Variants in SASH3 observed in about 807,000 individuals in gnomAD.
SASH3 encodes SAM and SH3 domain-containing protein 3.
In SASH3, 7 loss-of-function variants were observed where a neutral mutation model predicts 26.1. The observed-to-expected ratio is 0.27, with a 90% CI of 0.15 to 0.50. The LOEUF (loss-of-function observed/expected upper bound fraction) is 0.50, where lower values mean the gene tolerates loss of function less well. Among genes scored for constraint, SASH3 ranks in the 20% least tolerant of loss-of-function variants. The probability of loss-of-function intolerance (pLI) is 0.98; values close to 1 mark genes in which losing one functional copy is unlikely to be tolerated. For synonymous variants in SASH3, 138 were observed against 136.8 expected (o/e 1.01, Z -0.06); for missense variants, 231 against 318.3 (o/e 0.73, Z 2.09).
Position 129,792,459 on chromosome X carries a change from G to A in SASH3, c.574G>A (p.Asp192Asn). 1 of 1,211,884 alleles carries A rather than the reference G, an allele frequency of 8.3e-7. No homozygotes were observed. The highest frequency in any genetic ancestry group is 1.1e-6 in the Non-Finnish European group (1 of 895,545). The stretch of plus-strand genomic sequence containing the variant: ...CTTCACTCCCAGCCCCTATGACCAC[G>A]ACTCGCTGAAACTGCAGGTAAGATC... ...TDFTPSPYDH[D>N]SLKLQKGDVI... The change falls in exon 5 of 8, where the codon GAC becomes AAC. Residue 192 changes from aspartate (D) to asparagine (N), a missense_variant. Asp to Asn is a conservative substitution (Grantham distance 23, BLOSUM62 1). Coordinates refer to ENST00000356892, the MANE Select transcript of SASH3 (RefSeq NM_018990.4).
rs868200701 is a variant in SASH3 at position 129,793,081 on chromosome X, G to T, written c.894G>T (p.Met298Ile). 2.5e-6 allele frequency: 3 copies of T among 1,211,548 alleles called. No individual in the cohort carries two copies. In the African/African-American group the frequency reaches 5.2e-5, roughly 21 times the overall value. Residue 298 changes from methionine (M) to isoleucine (I), a missense_variant, in exon 7 of 8, where the codon ATG (methionine) becomes ATT (isoleucine). Physicochemically the swap from Met to Ile is conservative, Grantham distance 10. Transcript: ENST00000356892. The part of the protein sequence containing the change: ...RETHLNELNI[M>I]DPQHRAKLLT... ...CACACCTCAATGAGCTGAACATCAT[G>T]GATCCACAGCACCGGGCCAAGCTGC...
chrX:129,793,906 G>A lies in SASH3; in HGVS notation c.*74G>A, dbSNP rs1337137782. 2.1e-5 allele frequency: 21 copies of A among 999,888 alleles called. No individual in the cohort carries two copies. Among genetic ancestry groups the A allele is most frequent in the Non-Finnish European group, 2.9e-5 (21 of 733,646 alleles). The allele number at this position is 999,888 out of a possible 1,213,427, so 82.4% of individuals were successfully genotyped here. A position where few individuals can be genotyped will look rare whatever the true frequency, so the allele number is the denominator to read the frequency against. Reference sequence around the variant, plus strand: ...AGGAGTGGGCCCAGCCTCCCGTGGTGGCCCAGGTCCTGAGGACTGGCACTG... The same window carrying A: ...AGGAGTGGGCCCAGCCTCCCGTGGTAGCCCAGGTCCTGAGGACTGGCACTG... On this transcript the variant is annotated 3_prime_UTR_variant, in exon 8 of 8. Coordinates refer to ENST00000356892, the MANE Select transcript of SASH3 (RefSeq NM_018990.4).
Position 129,794,692 on chromosome X carries a change from C to A in SASH3, c.*860C>A, listed in dbSNP as rs751633728. The A allele has an allele frequency of 3.6e-5, 4 of 111,274 alleles. No homozygotes were observed. The highest frequency in any genetic ancestry group is 7.5e-5 in the Non-Finnish European group (4 of 53,068). 9.2% of individuals were successfully genotyped at this position (111,274 alleles called of 1,213,427 possible). ...CTTAACACAATGCCCATACCTCATA[C>A]GATATGCGCCCTCCCGTTCCATCCC... On this transcript the variant is annotated 3_prime_UTR_variant, in exon 8 of 8. Transcript: ENST00000356892.
chrX:129,792,786 A>T lies in SASH3; in HGVS notation c.751A>T (p.Arg251Trp). The change falls in exon 6 of 8, where the codon AGG becomes TGG. Residue 251 changes from arginine (R) to tryptophan (W), a missense_variant. By Grantham distance (101) the Arg-to-Trp change is moderately radical. Transcript: ENST00000356892. ...CAGCCGCCGACAGAGCAAGGGCAAG[A>T]GGCCCAAGCCTAAGACCCTGCATGA... ...RPSRRQSKGK[R>W]PKPKTLHELL... 8.3e-7 allele frequency: 1 copy of T among 1,204,069 alleles called. No homozygotes were observed. The highest frequency in any genetic ancestry group is 1.1e-6 in the Non-Finnish European group (1 of 893,422).
rs760915326 is a variant in SASH3, at chrX:129,779,954, C to T, written c.-144C>T. 1.9e-6 allele frequency: 1 copy of T among 517,362 alleles called. No homozygotes were observed. Among genetic ancestry groups the T allele is most frequent in the Admixed American group, 3.6e-5 (1 of 28,133 alleles). The allele number at this position is 517,362 out of a possible 1,213,427, so 42.6% of individuals were successfully genotyped here. Reference sequence around the variant, plus strand: ...GCCGGGTGTCCATGGCCCGCACCCCCAAGCTGCCACTGCAGCAGTCAGAGT... The same window carrying T: ...GCCGGGTGTCCATGGCCCGCACCCCTAAGCTGCCACTGCAGCAGTCAGAGT... On this transcript the variant is annotated 5_prime_UTR_variant, in exon 1 of 8. Coordinates refer to ENST00000356892, the MANE Select transcript of SASH3 (RefSeq NM_018990.4).
Position 129,794,519 on chromosome X carries a change from C to G in SASH3, c.*687C>G, listed in dbSNP as rs1382148712. 1.8e-5 allele frequency: 2 copies of G among 111,550 alleles called. No homozygotes were observed. The highest frequency in any genetic ancestry group is 6.5e-5 in the African/African-American group (2 of 30,611). 9.2% of individuals were successfully genotyped at this position (111,550 alleles called of 1,213,427 possible). On this transcript the variant is annotated 3_prime_UTR_variant, in exon 8 of 8. Transcript: ENST00000356892. ...TCTGACATTCTGTGACATTAAATGT[C>G]TATTCTCCTGTTACCTGTGGCCTGG...
At chrX:129,789,133 GAA>G (rs1927172037) in intron 3 of SASH3, among the ~76,000 whole-genome samples, 2 of 47,086 alleles carry the variant, frequency 4.2e-5, no homozygotes, top group South Asian at 2.9e-3. Context: ...AAGAAAGAAA[GAA>G]AGAAAGAAAG....
Position 129,795,139 on chromosome X carries a change from G to T in SASH3, c.*1307G>T, listed in dbSNP as rs1234973986. The T allele has an allele frequency of 9.0e-6, 1 of 111,490 alleles. No homozygotes were observed. The highest frequency in any genetic ancestry group is 1.9e-5 in the Non-Finnish European group (1 of 53,019). The allele number at this position is 111,490 out of a possible 1,213,427, so 9.2% of individuals were successfully genotyped here. ...AAAAGCTAGCTTTGGGGAAGGGGTT[G>T]GGTGTAAATATGAGAGGGTGGAGGG... On this transcript the variant is annotated 3_prime_UTR_variant, in exon 8 of 8. Transcript: ENST00000356892.
At chrX:129,793,576 A>G (rs955273388) in intron 7 of SASH3, 66 bp from the exon 8 acceptor site, 36 of 1,094,879 alleles carry the variant, frequency 3.3e-5, no homozygotes, top group Non-Finnish European at 3.8e-5. Flanking sequence ...GAGACTGCCT[A>G]TGGTGTATTT....
intron 7 of SASH3, 74 bp from the exon 8 acceptor site, chrX:129,793,568 G>A: frequency 9.4e-7 from 1 of 1,061,782 alleles, no homozygotes; most frequent in East Asian, 3.2e-5. Flanking sequence ...CAGAAGGAGA[G>A]ACTGCCTATG....
chrX:129,787,867 G>A, intron 1 of SASH3, 108 bp from the exon 2 acceptor site: 1 of 558,618 alleles, frequency 1.8e-6, no homozygotes, highest in South Asian at 2.7e-5. Flanking sequence ...ATGGCAATGT[G>A]GCTCTGTCAG....
At chrX:129,780,215 C>T (rs1655396367) in intron 1 of SASH3, 61 bp downstream of exon 1, 2 of 1,075,994 alleles carry the variant, frequency 1.9e-6, no homozygotes, top group Non-Finnish European at 2.6e-6. Flanking sequence ...CCATCCCTTC[C>T]AAGACTCTTG....
intron 1 of SASH3, among the ~76,000 whole-genome samples, chrX:129,781,387 G>C (rs968511116): frequency 2.7e-5 from 3 of 111,714 alleles, no homozygotes; most frequent in Admixed American, 1.9e-4. Flanking sequence ...GGGCGGGGGA[G>C]GGGGGAGGTT....
intron 1 of SASH3, among the ~76,000 whole-genome samples, chrX:129,787,303 GAAA>G (rs778777716): frequency 1.1e-4 from 12 of 112,370 alleles, no homozygotes; most frequent in African/African-American, 3.9e-4. Context: ...AAGCTGAGAA[GAAA>G]AAGAAAATGG....
At chrX:129,789,425 G>C (rs1927190904) in intron 3 of SASH3, among the ~76,000 whole-genome samples, 1 of 110,475 alleles carries the variant, frequency 9.1e-6, no homozygotes, top group Admixed American at 9.6e-5. Flanking sequence ...CTGAGGTCAG[G>C]AGTTCGAGAC....
rs1442392976 is a variant in SASH3, at chrX:129,793,789, C to T, written c.1100C>T (p.Thr367Ile). 4 of 1,201,880 alleles carry T rather than the reference C, an allele frequency of 3.3e-6. No homozygotes were observed. The highest frequency in any genetic ancestry group is 4.5e-6 in the Non-Finnish European group (4 of 891,029). ...CGCGATGACGCAGAGCTGGCAGGCA[C>T]TGAGGAGCAGCTGCAAGGCCTCTCC... Reference protein sequence around the residue: ...SGRDDAELAGTEEQLQGLSLA... With the variant: ...SGRDDAELAGIEEQLQGLSLA... The change falls in exon 8 of 8, where the codon ACT becomes ATT. Residue 367 changes from threonine (T) to isoleucine (I), a missense_variant. By Grantham distance (89) the Thr-to-Ile change is moderately conservative. Transcript: ENST00000356892.
chrX:129,781,670 G>A (rs1190440374), intron 1 of SASH3, among the ~76,000 whole-genome samples: 2 of 112,708 alleles, frequency 1.8e-5, no homozygotes, highest in Admixed American at 1.9e-4. Context: ...GCACACAGAA[G>A]CCAGAAGTCC....
At position 129,788,636 on chromosome X, in the gene SASH3, G is replaced by C. The variant is rs1205843887; in HGVS notation, c.300+59G>C. 4 of 1,120,456 alleles carry C rather than the reference G, an allele frequency of 3.6e-6. No individual in the cohort carries two copies. In the Admixed American group the frequency reaches 9.1e-5, roughly 25 times the overall value. The allele number at this position is 1,120,456 out of a possible 1,213,427, so 92.3% of individuals were successfully genotyped here. A position where few individuals can be genotyped will look rare whatever the true frequency, so the allele number is the denominator to read the frequency against. On this transcript the variant is annotated intron_variant, in intron 3 of 7. Coordinates refer to ENST00000356892, the MANE Select transcript of SASH3 (RefSeq NM_018990.4). ...AGGGGGCCTGGGGACCGCTCTGGCA[G>C]AATGTGAGCATGACCACCTCAATAG... is the stretch of plus-strand genomic sequence containing the variant.
chrX:129,793,975 C>A lies in SASH3; in HGVS notation c.*143C>A, dbSNP rs1927282854. ...CAGGGACACTTAGGGCCACAGAGGC[C>A]AGGCCAGGGCCCTACAGGTTCCAGG... On this transcript the variant is annotated 3_prime_UTR_variant, in exon 8 of 8. Coordinates refer to ENST00000356892, the MANE Select transcript of SASH3 (RefSeq NM_018990.4). The A allele has an allele frequency of 3.5e-6, 2 of 570,647 alleles. No individual in the cohort carries two copies. Among genetic ancestry groups the A allele is most frequent in the South Asian group, 3.2e-5 (1 of 31,166 alleles). The allele number at this position is 570,647 out of a possible 1,213,427, so 47.0% of individuals were successfully genotyped here.
Sources: gnomAD v4.1 joint callset for allele counts (sites outside exome capture counted in the v4.1 genomes callset) on GRCh38, gnomAD v4.1.1 for gene constraint, MANE v1.5 for transcripts, NCBI Gene and HGNC (gene_info 2026-07-23, HGNC 2026-07-21) for gene names.